Variants in ATG2B observed in about 807,000 individuals in gnomAD.
ATG2B encodes autophagy-related protein 2 homolog B.
In ATG2B, 121 loss-of-function variants were observed where a neutral mutation model predicts 241.3. The observed-to-expected ratio is 0.50, with a 90% CI of 0.43 to 0.58. The LOEUF is 0.58. Ranked by LOEUF, ATG2B falls within the 20% of genes least tolerant of loss-of-function variation. The probability of loss-of-function intolerance (pLI) is 0.00; values close to 1 mark genes in which losing one functional copy is unlikely to be tolerated. For synonymous variants in ATG2B, 858 were observed against 876.6 expected (o/e 0.98, Z 0.37); for missense variants, 2,306 against 2,491.6 (o/e 0.93, Z 1.59).
In ATG2B at chr14:96,304,614, G is replaced by C; in HGVS notation, c.4734-11C>G. 26 of 1,003,670 alleles carry C rather than the reference G, an allele frequency of 2.6e-5. No individual in the cohort carries two copies. The highest frequency in any genetic ancestry group is 2.9e-5 in the Non-Finnish European group (22 of 746,782). 62.2% of individuals were successfully genotyped at this position (1,003,670 alleles called of 1,614,324 possible). ...GAACTGTGGGGACTACTAAAAATGA[G>C]CAAAAAAAAAAAAAACCCTTTTGTT... On this transcript the variant is annotated splice_polypyrimidine_tract_variant and intron_variant, in intron 31 of 41. Transcript: ENST00000359933.
At chr14:96,360,893 G>A (rs1259719322) in intron 1 of ATG2B, among the ~76,000 whole-genome samples, 3 of 117,406 alleles carry the variant, frequency 2.6e-5, no homozygotes, top group African/African-American at 1.0e-4. Context: ...AGGAGTTCAA[G>A]ACCAGCTTTG....
In ATG2B at chr14:96,333,713, TTC is replaced by T; in HGVS notation, c.1180_1181del (p.Glu394AsnfsTer7). On this transcript the variant is annotated frameshift_variant, in exon 8 of 42. Coordinates refer to ENST00000359933, the MANE Select transcript of ATG2B (RefSeq NM_018036.7). LOFTEE classifies it high-confidence loss of function. ...VSSEQSFYET[E>X]TARTPSSREE... ...CACGGCTAGAAGGTGTACGAGCTGT[TTC>T]TGTCTCATAAAAGCTTTGCTCTGAA... The T allele has an allele frequency of 6.2e-7, 1 of 1,613,908 alleles. No individual in the cohort carries two copies. The highest frequency in any genetic ancestry group is 8.5e-7 in the Non-Finnish European group (1 of 1,179,850).
rs1220725815 is a variant in ATG2B, at chr14:96,279,541, T to C, written c.*6214A>G. On this transcript the variant is annotated 3_prime_UTR_variant, in exon 42 of 42. Transcript: ENST00000359933. ...CAGGGAAACAGACGTGGATCTACAG[T>C]ATGCGGGGAGTGCCGCAAAGTTTAA... 1 of 152,184 alleles carries C rather than the reference T, an allele frequency of 6.6e-6. No homozygotes were observed. Among genetic ancestry groups the C allele is most frequent in the East Asian group, 1.9e-4 (1 of 5,178 alleles). 9.4% of individuals were successfully genotyped at this position (152,184 alleles called of 1,614,324 possible). A position where few individuals can be genotyped will look rare whatever the true frequency, so the allele number is the denominator to read the frequency against.
intron 36 of ATG2B, among the ~76,000 whole-genome samples, chr14:96,294,451 C>CCGA (rs1253708362): frequency 6.6e-6 from 1 of 152,186 alleles, no homozygotes; most frequent in Non-Finnish European, 1.5e-5. Flanking sequence ...GCAGTCACAG[C>CCGA]CGACGGCAGC....
intron 34 of ATG2B, among the ~76,000 whole-genome samples, chr14:96,295,985 C>T (rs544889095): frequency 9.3e-4 from 141 of 152,176 alleles, no homozygotes; most frequent in African/African-American, 3.3e-3. Flanking sequence ...GACGGAGTCT[C>T]GCTCTGTCGC....
chr14:96,324,001 A>G lies in ATG2B; in HGVS notation c.2438-3T>C. 7 of 1,402,944 alleles carry G rather than the reference A, an allele frequency of 5.0e-6. No homozygotes were observed. Among genetic ancestry groups the G allele is most frequent in the Non-Finnish European group, 6.6e-6 (7 of 1,057,214 alleles). The allele number at this position is 1,402,944 out of a possible 1,614,324, so 86.9% of individuals were successfully genotyped here. On this transcript the variant is annotated splice_region_variant and splice_polypyrimidine_tract_variant and intron_variant, in intron 15 of 41. Coordinates refer to ENST00000359933, the MANE Select transcript of ATG2B (RefSeq NM_018036.7). ...TCCTTTCTCTTCCTGGAACGATCCT[A>G]AAAAAAAAGACTGATTTACTGAAAT...
At chr14:96,317,927 C>G (rs1356732199) in intron 18 of ATG2B, 72 bp from the exon 19 acceptor site, 6 of 1,165,418 alleles carry the variant, frequency 5.1e-6, no homozygotes, top group Non-Finnish European at 7.1e-6. Flanking sequence ...AAAAAAAATC[C>G]TTTTAAAAGA....
chr14:96,343,226 G>C lies in ATG2B; in HGVS notation c.637C>G (p.Pro213Ala), dbSNP rs1888090027. The C allele has an allele frequency of 1.2e-6, 2 of 1,611,660 alleles. No homozygotes were observed. Among genetic ancestry groups the C allele is most frequent in the African/African-American group, 2.7e-5 (2 of 74,792 alleles). Residue 213 changes from proline to alanine, a missense_variant, in exon 5 of 42, where the codon CCC (proline) becomes GCC (alanine). Pro to Ala is a conservative substitution (Grantham distance 27). This residue lies in a region of ATG2B where 1,927 missense variants were observed against 2,011.2 expected (regional missense o/e 0.96). Coordinates refer to ENST00000359933, the MANE Select transcript of ATG2B (RefSeq NM_018036.7). Reference sequence around the variant, plus strand: ...AGTAACTTGTGAGCAAAAGCAGTGGGTTGATGCACATTAATTCCTGAGGAT... The same window carrying C: ...AGTAACTTGTGAGCAAAAGCAGTGGCTTGATGCACATTAATTCCTGAGGAT... ...DESSGINVHQPTAFAHKLLQL... is the reference protein window; with the variant it reads ...DESSGINVHQATAFAHKLLQL...
intron 32 of ATG2B, 52 bp downstream of exon 32, chr14:96,304,442 AC>A (rs1191824201): frequency 3.6e-6 from 5 of 1,375,810 alleles, no homozygotes; most frequent in Non-Finnish European, 5.1e-6. Flanking sequence ...TAACAAAAGA[AC>A]CCCCCGCCAA....
rs771972553 is a variant in ATG2B, at chr14:96,311,167, T to C, written c.4111A>G (p.Thr1371Ala). 8.1e-6 allele frequency: 13 copies of C among 1,613,884 alleles called. No homozygotes were observed. Among genetic ancestry groups the C allele is most frequent in the Non-Finnish European group, 1.1e-5 (13 of 1,179,830 alleles). The part of the protein sequence containing the change: ...QYIASYGDLQ[T>A]PNKADMKPGA... Reference sequence around the variant, plus strand: ...GGCTTCATATCTGCCTTGTTAGGTGTCTGCAAGTCACCATAGCTTGCAATG... The same window carrying C: ...GGCTTCATATCTGCCTTGTTAGGTGCCTGCAAGTCACCATAGCTTGCAATG... The change falls in exon 28 of 42, where the codon ACA (threonine) becomes GCA (alanine). Residue 1371 changes from threonine (T) to alanine (A), a missense_variant. Physicochemically the swap from Thr to Ala is moderately conservative, Grantham distance 58 (BLOSUM62 0). This residue lies in a region of ATG2B where 1,927 missense variants were observed against 2,011.2 expected (regional missense o/e 0.96). Coordinates refer to ENST00000359933, the MANE Select transcript of ATG2B (RefSeq NM_018036.7).
intron 5 of ATG2B, among the ~76,000 whole-genome samples, chr14:96,342,435 A>G (rs1888061745): frequency 6.6e-6 from 1 of 152,148 alleles, no homozygotes; most frequent in Admixed American, 6.5e-5. Flanking sequence ...TATGAAACAT[A>G]AATGGGCCAG....
In ATG2B at chr14:96,325,660, C is replaced by G. The variant is rs757061481; in HGVS notation, c.2426G>C (p.Arg809Thr). 1 of 1,612,082 alleles carries G rather than the reference C, an allele frequency of 6.2e-7. No homozygotes were observed. The highest frequency in any genetic ancestry group is 8.5e-7 in the Non-Finnish European group (1 of 1,179,344). ...ACATTCAATCTTACCAATTAGTTCT[C>G]TAAAGGTAAGTTCCAATTTAATTTG... ...PEQIKLELTF[R>T]ELIGSFQEEK... The change falls in exon 15 of 42, where the codon AGA becomes ACA. Residue 809 changes from arginine (R) to threonine (T), a missense_variant. Physicochemically the swap from Arg to Thr is moderately conservative, Grantham distance 71. Coordinates refer to ENST00000359933, the MANE Select transcript of ATG2B (RefSeq NM_018036.7).
intron 19 of ATG2B, 90 bp downstream of exon 19, chr14:96,317,608 A>T: frequency 8.7e-7 from 1 of 1,147,146 alleles, no homozygotes; most frequent in Non-Finnish European, 1.2e-6. Flanking sequence ...AATGAAACAT[A>T]AAGATTTTTA....
At position 96,322,724 on chromosome 14, in the gene ATG2B, T is replaced by G. The variant is rs1887492195; in HGVS notation, c.2552A>C (p.Lys851Thr). The change falls in exon 17 of 42, where the codon AAA becomes ACA. Residue 851 changes from lysine to threonine, a missense_variant. Coordinates refer to ENST00000359933, the MANE Select transcript of ATG2B (RefSeq NM_018036.7). ...GGAATGCATGGCTGGTGGATTTATT[T>G]TCAGTACAATTCTGATAGCAAAGAC... ...DDFDWPRIVL[K>T]INPPAMHSIL... 3.1e-6 allele frequency: 5 copies of G among 1,611,092 alleles called. No individual in the cohort carries two copies. The East Asian group carries it at 1.1e-4, about 36-fold the overall frequency.
chr14:96,351,770 C>T (rs1888328900), intron 1 of ATG2B, among the ~76,000 whole-genome samples: 1 of 151,326 alleles, frequency 6.6e-6, no homozygotes, highest in South Asian at 2.1e-4. Context: ...GCATGGTAGC[C>T]CGTGCCTGTA....
At chr14:96,355,024 A>T (rs1888436965) in intron 1 of ATG2B, among the ~76,000 whole-genome samples, 1 of 152,162 alleles carries the variant, frequency 6.6e-6, no homozygotes, top group African/African-American at 2.4e-5. Context: ...AGTTCCTTAC[A>T]GATGCTGAAT....
At chr14:96,350,542 G>A (rs1005599087) in intron 1 of ATG2B, among the ~76,000 whole-genome samples, 1 of 152,160 alleles carries the variant, frequency 6.6e-6, no homozygotes, top group African/African-American at 2.4e-5. Context: ...ACTACAACAG[G>A]AGACAGACAG....
rs189941315 is a variant in ATG2B, at chr14:96,319,892, G to A, written c.2880-2037C>T. On this transcript the variant is annotated intron_variant, in intron 18 of 41. Transcript: ENST00000359933. ...TTTGAAAATACAAAGCCGGATAAGG[G>A]GCAAAGGATGCAAACCCTGAGGAAG... Among the ~76,000 whole-genome samples, 55 of 152,176 alleles carry A rather than the reference G, an allele frequency of 3.6e-4. 1 individual carries two copies. Among genetic ancestry groups the A allele is most frequent in the African/African-American group, 1.3e-3 (54 of 41,502 alleles).
At chr14:96,321,889 G>A (rs1300514477) in intron 18 of ATG2B, among the ~76,000 whole-genome samples, 2 of 152,014 alleles carry the variant, frequency 1.3e-5, no homozygotes, top group Non-Finnish European at 2.9e-5. Context: ...CCAACCTCAG[G>A]GCTGAGGAAA....
Sources: gnomAD v4.1 joint callset for allele counts (sites outside exome capture counted in the v4.1 genomes callset) on GRCh38, gnomAD v4.1.1 for gene constraint, gnomAD v4.1.1 regional missense constraint, MANE v1.5 for transcripts, NCBI Gene and HGNC (gene_info 2026-07-23, HGNC 2026-07-21) for gene names.